RBBP7: variants seen among roughly 807,000 people sequenced by gnomAD.
The protein encoded by RBBP7 is histone-binding protein RBBP7.
A neutral mutation model predicts 35.2 loss-of-function variants in RBBP7; 5 were observed. The ratio of observed to expected loss-of-function variants is 0.14; its 90% CI spans 0.07 to 0.30. The LOEUF (loss-of-function observed/expected upper bound fraction) is 0.30, where lower values mean the gene tolerates loss of function less well. Among genes scored for constraint, RBBP7 ranks in the 10% least tolerant of loss-of-function variants. The pLI is 1.00. For missense variants in RBBP7, 155 were observed against 327.5 expected (o/e 0.47, Z 4.07); for synonymous variants, 140 against 118.7 (o/e 1.18, Z -1.17).
At position 16,854,395 on chromosome X, in the gene RBBP7, ACT is replaced by A. The variant is rs768992984; in HGVS notation, c.598-555_598-554del. Among the ~76,000 whole-genome samples, 345 of 110,447 alleles carry A rather than the reference ACT, an allele frequency of 3.1e-3. 4 individuals are homozygous for A. The highest frequency in any genetic ancestry group is 0.011 in the African/African-American group (336 of 30,338). On this transcript the variant is annotated intron_variant, in intron 5 of 11. Transcript: ENST00000380087. The stretch of plus-strand genomic sequence containing the variant: ...ACTGAGTACAGTGGCAGGCAAGGAC[ACT>A]GATGCTGGAATTTCTACCTACATAC...
chrX:16,863,788 A>T (rs1393973235), intron 2 of RBBP7, among the ~76,000 whole-genome samples: 1 of 112,132 alleles, frequency 8.9e-6, no homozygotes, highest in South Asian at 3.7e-4. Flanking sequence ...TGTTCTGTGG[A>T]AACACCTTGA....
chrX:16,844,522 G>A lies in RBBP7; in HGVS notation c.*513C>T, dbSNP rs1253934970. The A allele has an allele frequency of 9.0e-6, 1 of 111,152 alleles. No homozygotes were observed. Among genetic ancestry groups the A allele is most frequent in the African/African-American group, 3.3e-5 (1 of 30,506 alleles). 9.2% of individuals were successfully genotyped at this position (111,152 alleles called of 1,213,427 possible). On this transcript the variant is annotated 3_prime_UTR_variant, in exon 12 of 12. Coordinates refer to ENST00000380087, the MANE Select transcript of RBBP7 (RefSeq NM_002893.4). ...GTAAATATGTATGATAAACTTAACA[G>A]CTTCTGTGTATTCTTTCATTATCCA...
intron 2 of RBBP7, among the ~76,000 whole-genome samples, chrX:16,864,342 A>G (rs1930546809): frequency 9.1e-6 from 1 of 110,472 alleles, no homozygotes; most frequent in African/African-American, 3.3e-5. Flanking sequence ...CAACGTGGAG[A>G]AACCCCATCT....
Position 16,852,554 on chromosome X carries a change from G to A in RBBP7, c.960C>T (p.Phe320=). 3.3e-6 allele frequency: 4 copies of A among 1,210,559 alleles called. No individual in the cohort carries two copies. The highest frequency in any genetic ancestry group is 4.5e-6 in the Non-Finnish European group (4 of 894,506). The change falls in exon 8 of 12, where the codon TTC becomes TTT. Residue 320 remains phenylalanine (F), a synonymous_variant. Coordinates refer to ENST00000380087, the MANE Select transcript of RBBP7 (RefSeq NM_002893.4). The stretch of plus-strand genomic sequence containing the variant: ...ACACCAGAAAACTGTCACATACCTG[G>A]AAAATTTCATCTTTATGAGATTCGA... ...HTFESHKDEI[F]QVHWSPHNET... is the part of the protein sequence containing the mutation.
intron 2 of RBBP7, among the ~76,000 whole-genome samples, chrX:16,868,154 C>T (rs1037648279): frequency 7.2e-5 from 8 of 111,211 alleles, no homozygotes; most frequent in East Asian, 2.8e-4. Flanking sequence ...AATGCAGTGG[C>T]GCAATCATGG....
At chrX:16,869,791 C>G in intron 1 of RBBP7, 1 of 934,316 alleles carries the variant, frequency 1.1e-6, no homozygotes, top group Non-Finnish European at 1.3e-6. Context: ...GGAGCGCAGC[C>G]GCTGGAGGAG....
rs754693883 is a variant in RBBP7, at chrX:16,870,122, G to A, written c.-69C>T. The A allele has an allele frequency of 1.9e-6, 2 of 1,031,421 alleles. No homozygotes were observed. Among genetic ancestry groups the A allele is most frequent in the South Asian group, 2.6e-5 (1 of 37,921 alleles). 85.0% of individuals were successfully genotyped at this position (1,031,421 alleles called of 1,213,427 possible). A position where few individuals can be genotyped will look rare whatever the true frequency, so the allele number is the denominator to read the frequency against. On this transcript the variant is annotated 5_prime_UTR_variant, in exon 1 of 12. Coordinates refer to ENST00000380087, the MANE Select transcript of RBBP7 (RefSeq NM_002893.4). The stretch of plus-strand genomic sequence containing the variant: ...CTCGTTAGCCAAGAGCAGCCCGACC[G>A]CTGGCGCTCCTGCCTTTCCCAAGCG...
intron 1 of RBBP7, chrX:16,869,639 C>A: frequency 8.7e-7 from 1 of 1,150,708 alleles, no homozygotes; most frequent in Non-Finnish European, 1.2e-6. Flanking sequence ...CCTCGGCAGC[C>A]ATAGGCCTGA....
chrX:16,853,054 A>G, intron 6 of RBBP7, 179 bp from the exon 7 acceptor site: 2 of 654,869 alleles, frequency 3.1e-6, no homozygotes, highest in Non-Finnish European at 4.5e-6. Context: ...AAACCTACAG[A>G]GAACAAGCTA....
chrX:16,857,787 G>A lies in RBBP7; in HGVS notation c.482-78C>T, dbSNP rs377238996. 26 of 1,141,066 alleles carry A rather than the reference G, an allele frequency of 2.3e-5. 1 individual carries two copies. In the African/African-American group the frequency reaches 4.3e-4, roughly 19 times the overall value. The allele number at this position is 1,141,066 out of a possible 1,213,427, so 94.0% of individuals were successfully genotyped here. On this transcript the variant is annotated intron_variant, in intron 4 of 11. Coordinates refer to ENST00000380087, the MANE Select transcript of RBBP7 (RefSeq NM_002893.4). ...GAATAAATTCTCACTCCTTCATTGA[G>A]TGAACCATTACAGCAACTGCACACG...
intron 5 of RBBP7, among the ~76,000 whole-genome samples, chrX:16,855,640 C>T (rs1448801503): frequency 9.0e-6 from 1 of 110,805 alleles, no homozygotes; most frequent in East Asian, 2.8e-4. Flanking sequence ...TCAAAAGGTA[C>T]TAGTAATTGG....
chrX:16,858,839 G>C lies in RBBP7; in HGVS notation c.318C>G (p.Gly106=), dbSNP rs1367027377. 8.3e-7 allele frequency: 1 copy of C among 1,210,556 alleles called. No individual in the cohort carries two copies. The highest frequency in any genetic ancestry group is 1.1e-6 in the Non-Finnish European group (1 of 895,029). ...HCDSDKGEFG[G]FGSVTGKIEC... is the part of the protein sequence containing the mutation. Reference sequence around the variant, plus strand: ...CAATTTTTCCTGTTACAGAACCAAAGCCACCAAATTCTAATGTGAGGAGAA... The same window carrying C: ...CAATTTTTCCTGTTACAGAACCAAACCCACCAAATTCTAATGTGAGGAGAA... Residue 106 remains glycine (G), a synonymous_variant, in exon 4 of 12, where the codon GGC becomes GGG. Transcript: ENST00000380087.
chrX:16,867,937 G>A (rs1450420898), intron 2 of RBBP7, among the ~76,000 whole-genome samples: 4 of 109,962 alleles, frequency 3.6e-5, no homozygotes, highest in African/African-American at 9.9e-5. Flanking sequence ...CGCCTGCCTC[G>A]GCCTCCCGAA....
intron 2 of RBBP7, among the ~76,000 whole-genome samples, chrX:16,863,451 C>T (rs1388369220): frequency 9.0e-6 from 1 of 111,644 alleles, no homozygotes; most frequent in African/African-American, 3.3e-5. Context: ...CACCAACAAT[C>T]CCCACACTCA....
intron 5 of RBBP7, among the ~76,000 whole-genome samples, chrX:16,854,761 AGGCCATGGG>A (rs1930305087): frequency 9.2e-6 from 1 of 108,756 alleles, no homozygotes; most frequent in African/African-American, 3.3e-5. Flanking sequence ...GCCCAAGCAG[AGGCCATGGG>A]GCCTCTGCTT....
Position 16,852,767 on chromosome X carries a change from G to A in RBBP7, c.867C>T (p.Ala289=). The A allele has an allele frequency of 8.2e-7, 1 of 1,212,292 alleles. No individual in the cohort carries two copies. Among genetic ancestry groups the A allele is most frequent in the Non-Finnish European group, 1.1e-6 (1 of 895,643 alleles). The change falls in exon 7 of 12, where the codon GCC becomes GCT. Residue 289 remains alanine, a synonymous_variant. Coordinates refer to ENST00000380087, the MANE Select transcript of RBBP7 (RefSeq NM_002893.4). ...SFNPYSEFIL[A]TGSADKTVAL... is the part of the protein sequence containing the mutation. Reference sequence around the variant, plus strand: ...TCGAAACCTTATCCGCAGAGCCGGTGGCTAGAATAAATTCGCTGTAGGGAT... The same window carrying A: ...TCGAAACCTTATCCGCAGAGCCGGTAGCTAGAATAAATTCGCTGTAGGGAT...
intron 2 of RBBP7, among the ~76,000 whole-genome samples, chrX:16,863,762 G>A (rs1930529172): frequency 8.9e-6 from 1 of 112,183 alleles, no homozygotes; most frequent in Non-Finnish European, 1.9e-5. Context: ...ATTTTACCGA[G>A]GTATCTTTGT....
chrX:16,852,684 A>G (rs1012562103), intron 7 of RBBP7, 56 bp from the exon 8 acceptor site: 5 of 1,207,541 alleles, frequency 4.1e-6, no homozygotes, highest in African/African-American at 1.8e-5. Flanking sequence ...GAATTTTCAA[A>G]TATCTGATTA....
chrX:16,852,241 G>T, intron 8 of RBBP7, 119 bp from the exon 9 acceptor site: 1 of 678,724 alleles, frequency 1.5e-6, no homozygotes, highest in Non-Finnish European at 2.3e-6. Context: ...TTGGCCTGAT[G>T]GCCTCACTCT....
Sources: gnomAD v4.1 joint callset for allele counts (sites outside exome capture counted in the v4.1 genomes callset) on GRCh38, gnomAD v4.1.1 for gene constraint, MANE v1.5 for transcripts, NCBI Gene and HGNC (gene_info 2026-07-23, HGNC 2026-07-21) for gene names.